Variants in BAG6 observed in about 807,000 individuals in gnomAD.
BAG6 encodes BAG cochaperone 6, also known as large proline-rich protein BAG6.
In BAG6, 22 loss-of-function variants were observed where a neutral mutation model predicts 121.0. The ratio of observed to expected loss-of-function variants is 0.18; its 90% CI spans 0.13 to 0.26. The LOEUF is 0.26. BAG6 is among the 10% of genes least tolerant of loss of function. The pLI, the probability that BAG6 is intolerant of heterozygous loss-of-function variation, is 1.00. For missense variants in BAG6, 1,233 were observed against 1,537.7 expected (o/e 0.80, Z 3.31); for synonymous variants, 583 against 584.6 (o/e 1.00, Z 0.04).
chr6:31,640,344 T>C lies in BAG6; in HGVS notation c.3139-38A>G. The C allele has an allele frequency of 6.2e-7, 1 of 1,614,196 alleles. No individual in the cohort carries two copies. Among genetic ancestry groups the C allele is most frequent in the Non-Finnish European group, 8.5e-7 (1 of 1,180,026 alleles). On this transcript the variant is annotated intron_variant, in intron 23 of 25. Transcript: ENST00000676615. This position sits in a 1 kb window ranked among gnomAD's most constrained non-coding sequence, Gnocchi z 4.2. ...AGAGAAAATAGTAATGTCCTTGACT[T>C]TCAGCTGCCATGACCCACTGGATTA...
In BAG6 at chr6:31,639,219, G is replaced by C. The variant is rs758552053; in HGVS notation, c.3401C>G (p.Ser1134Cys). 28 of 1,610,698 alleles carry C rather than the reference G, an allele frequency of 1.7e-5. No individual in the cohort carries two copies. Among genetic ancestry groups the C allele is most frequent in the Non-Finnish European group, 2.3e-5 (27 of 1,177,690 alleles). The change falls in exon 26 of 26, where the codon TCT becomes TGT. Residue 1134 changes from serine to cysteine, a missense_variant. This residue lies in a region of BAG6 where 102 missense variants were observed against 103.2 expected (regional missense o/e 0.99). Coordinates refer to ENST00000676615, the MANE Select transcript of BAG6 (RefSeq NM_001387994.1). The part of the protein sequence containing the change: ...VQESYRQQLR[S>C]DIQKRLQEDP... ...TTCCTGCAGTCGTTTTTGTATATCA[G>C]ACCGGAGCTAAAGAGAAAAAGTAAG... is the stretch of plus-strand genomic sequence containing the variant.
chr6:31,646,776 T>TG (rs1295347508), intron 7 of BAG6, among the ~76,000 whole-genome samples: 1 of 128,586 alleles, frequency 7.8e-6, no homozygotes, highest in Non-Finnish European at 1.7e-5. Context: ...GTTTTTTTTT[T>TG]TTTTTTTTTT....
At position 31,642,938 on chromosome 6, in the gene BAG6, A is replaced by C; in HGVS notation, c.1934T>G (p.Leu645Arg). The change falls in exon 15 of 26, where the codon CTA (leucine) becomes CGA (arginine). Residue 645 changes from leucine to arginine, a missense_variant. Leu to Arg is a moderately radical substitution (Grantham distance 102). Around this residue, in one of 7 missense-constraint regions of BAG6, gnomAD observed 777 missense variants for 861.4 expected, o/e 0.90. Coordinates refer to ENST00000676615, the MANE Select transcript of BAG6 (RefSeq NM_001387994.1). ...TCCAGCCCCTGGCCCTGCAGGCCCTAGCAGGTTCCCCAGAAGCTGAGAGAA... is the reference window on the plus strand; with the variant it reads ...TCCAGCCCCTGGCCCTGCAGGCCCTCGCAGGTTCCCCAGAAGCTGAGAGAA... ...LQFSQLLGNLLGPAGPGAGGS... is the reference protein window; with the variant it reads ...LQFSQLLGNLRGPAGPGAGGS... The C allele has an allele frequency of 6.2e-7, 1 of 1,608,262 alleles. No individual in the cohort carries two copies. Among genetic ancestry groups the C allele is most frequent in the Non-Finnish European group, 8.5e-7 (1 of 1,177,558 alleles).
chr6:31,639,763 G>A (rs1293511601), intron 24 of BAG6, 117 bp from the exon 25 acceptor site: 12 of 1,260,978 alleles, frequency 9.5e-6, no homozygotes, highest in Non-Finnish European at 1.3e-5. Flanking sequence ...AGTGGAGAGA[G>A]GGGAAATTAA....
At chr6:31,652,334 CA>C (rs1798020513) in intron 1 of BAG6, 89 bp downstream of exon 1, 1 of 148,652 alleles carries the variant, frequency 6.7e-6, no homozygotes, top group Non-Finnish European at 1.5e-5. Flanking sequence ...CACACACACA[CA>C]CACACACACA....
intron 2 of BAG6, 117 bp downstream of exon 2, chr6:31,651,538 CA>C: frequency 4.7e-5 from 44 of 927,016 alleles, no homozygotes; most frequent in Non-Finnish European, 6.5e-5. Flanking sequence ...GACTCCATCT[CA>C]AAAAAAAGAA....
In BAG6 at chr6:31,639,165, G is replaced by C; in HGVS notation, c.3455C>G (p.Pro1152Arg). The change falls in exon 26 of 26, where the codon CCC becomes CGC. Residue 1152 changes from proline (P) to arginine (R), a missense_variant. Physicochemically the swap from Pro to Arg is moderately radical, Grantham distance 103. Around this residue, in one of 7 missense-constraint regions of BAG6, gnomAD observed 102 missense variants for 103.2 expected, o/e 0.99. Coordinates refer to ENST00000676615, the MANE Select transcript of BAG6 (RefSeq NM_001387994.1). ...ATCAGCAAAGGCCCGCTGGGCATTG[G>C]GGAAGCGCTGGGGACTGTAGTTGGG... ...EDPNYSPQRF[P>R]NAQRAFADDP 1 of 1,614,018 alleles carries C rather than the reference G, an allele frequency of 6.2e-7. No homozygotes were observed. The highest frequency in any genetic ancestry group is 8.5e-7 in the Non-Finnish European group (1 of 1,179,976).
In BAG6 at chr6:31,644,430, G is replaced by T; in HGVS notation, c.1448-16C>A. The T allele has an allele frequency of 6.4e-7, 1 of 1,552,112 alleles. No individual in the cohort carries two copies. The highest frequency in any genetic ancestry group is 1.2e-5 in the South Asian group (1 of 83,998). ...AGGGTGGAGCCTGGGGGGCGGGTCT[G>T]ATGTAACCTTGAACCTGGACCCCTT... On this transcript the variant is annotated splice_polypyrimidine_tract_variant and intron_variant, in intron 11 of 25. Coordinates refer to ENST00000676615, the MANE Select transcript of BAG6 (RefSeq NM_001387994.1). The surrounding 1 kb of genome is among the most constrained non-coding windows in gnomAD (Gnocchi z 4.9).
Position 31,648,666 on chromosome 6 carries a change from T to G in BAG6, c.552+11A>C, listed in dbSNP as rs1201964338. ...GGTGGAGAGAGACCCTAGCCAGCCT[T>G]GCCCACTTACCTCCATCCGGGATAG... On this transcript the variant is annotated intron_variant, in intron 6 of 25. Coordinates refer to ENST00000676615, the MANE Select transcript of BAG6 (RefSeq NM_001387994.1). 3 of 1,613,292 alleles carry G rather than the reference T, an allele frequency of 1.9e-6. No individual in the cohort carries two copies. The African/African-American group carries it at 4.0e-5, about 22-fold the overall frequency.
At chr6:31,639,703 AT>A in intron 24 of BAG6, 57 bp from the exon 25 acceptor site, 1 of 1,555,376 alleles carries the variant, frequency 6.4e-7, no homozygotes, top group East Asian at 2.3e-5. Context: ...CAGTGCCACC[AT>A]CCGGCTCACC....
At position 31,646,777 on chromosome 6, in the gene BAG6, T is replaced by G. The variant is rs866253639; in HGVS notation, c.789-254A>C. ...CCCGGCTAATTTTTGTTTTTTTTTT[T>G]TTTTTTTTTTTTTTGAGACAGAGTC... On this transcript the variant is annotated intron_variant, in intron 7 of 25. Transcript: ENST00000676615. Among the ~76,000 whole-genome samples, 769 of 130,580 alleles carry G rather than the reference T, an allele frequency of 5.9e-3. 9 individuals carry two copies. Among genetic ancestry groups the G allele is most frequent in the African/African-American group, 0.02 (720 of 35,732 alleles). The allele number at this position is 130,580 out of a possible 152,430, so 85.7% of individuals were successfully genotyped here. A position where few individuals can be genotyped will look rare whatever the true frequency, so the allele number is the denominator to read the frequency against.
In BAG6 at chr6:31,644,644, G is replaced by A. The variant is rs761921696; in HGVS notation, c.1370-42C>T. On this transcript the variant is annotated intron_variant, in intron 10 of 25. Transcript: ENST00000676615. This position sits in a 1 kb window ranked among gnomAD's most constrained non-coding sequence, Gnocchi z 4.9. ...AGACAGTGGCCCTGAGGTAGGTAGGGCCAAGGCCTAACTATATCCTTCTGA... is the reference window on the plus strand; with the variant it reads ...AGACAGTGGCCCTGAGGTAGGTAGGACCAAGGCCTAACTATATCCTTCTGA... The A allele has an allele frequency of 1.3e-6, 2 of 1,580,124 alleles. No homozygotes were observed. Among genetic ancestry groups the A allele is most frequent in the Non-Finnish European group, 1.7e-6 (2 of 1,152,626 alleles).
chr6:31,652,053 C>A (rs1797458117), intron 1 of BAG6: 2 of 347,174 alleles, frequency 5.8e-6, no homozygotes, highest in East Asian at 8.7e-5. Flanking sequence ...AGGAAGGAAG[C>A]ACGAGACCAG....
rs572580953 is a variant in BAG6, at chr6:31,645,046, C to T, written c.1269G>A (p.Pro423=). The change falls in exon 10 of 26, where the codon CCG becomes CCA. Residue 423 remains proline, a synonymous_variant. Transcript: ENST00000676615. ...NVESSAEGAP[P]PGPAPPPATS... ...TGGCTGGCGGGGGAGCTGGACCTGG[C>T]GGGGGAGCCCCCTCAGCTGAGGACT... 9.3e-6 allele frequency: 15 copies of T among 1,612,640 alleles called. No individual in the cohort carries two copies. The highest frequency in any genetic ancestry group is 6.7e-5 in the East Asian group (3 of 44,880).
chr6:31,644,029 C>T lies in BAG6; in HGVS notation c.1669-52G>A. 1 of 1,612,840 alleles carries T rather than the reference C, an allele frequency of 6.2e-7. No homozygotes were observed. Among genetic ancestry groups the T allele is most frequent in the Non-Finnish European group, 8.5e-7 (1 of 1,178,984 alleles). ...AGACCTGCCCTTCCATGCACCACCA[C>T]AGGAGTCTCTCCCTAGACTGTTACG... On this transcript the variant is annotated intron_variant, in intron 13 of 25. Coordinates refer to ENST00000676615, the MANE Select transcript of BAG6 (RefSeq NM_001387994.1). This position sits in a 1 kb window ranked among gnomAD's most constrained non-coding sequence, Gnocchi z 4.9.
In BAG6 at chr6:31,649,280, G is replaced by C. The variant is rs1310915454; in HGVS notation, c.342C>G (p.Pro114=). ...SASATHGGGS[P]PGTRGPGASV... is the part of the protein sequence containing the mutation. ...AGGCCCCAGGCCCCCGAGTACCAGG[G>C]GGGGATCCCCCACCATGAGTGGCTG... Residue 114 remains proline, a synonymous_variant, in exon 4 of 26, where the codon CCC becomes CCG. Coordinates refer to ENST00000676615, the MANE Select transcript of BAG6 (RefSeq NM_001387994.1). 8 of 1,613,048 alleles carry C rather than the reference G, an allele frequency of 5.0e-6. No individual in the cohort carries two copies. The Admixed American group carries it at 1.0e-4, about 20-fold the overall frequency.
intron 2 of BAG6, among the ~76,000 whole-genome samples, chr6:31,650,316 A>G (rs945239213): frequency 1.3e-5 from 2 of 152,130 alleles, no homozygotes; most frequent in Admixed American, 1.3e-4. Flanking sequence ...AAAAAATGGC[A>G]AAGAAGATGG....
chr6:31,648,800 G>A, intron 5 of BAG6, 49 bp from the exon 6 acceptor site: 1 of 1,608,908 alleles, frequency 6.2e-7, no homozygotes, highest in Non-Finnish European at 8.5e-7. Context: ...GAAGCCATGA[G>A]TTCTACCACC....
In BAG6 at chr6:31,641,635, T is replaced by A. The variant is rs913249286; in HGVS notation, c.2506-43A>T. 6.2e-7 allele frequency: 1 copy of A among 1,613,616 alleles called. No individual in the cohort carries two copies. The highest frequency in any genetic ancestry group is 1.7e-5 in the Admixed American group (1 of 60,016). Reference sequence around the variant, plus strand: ...CAGGTTTAGTTCAAAGCCTCAGTCCTCCCAAGACTTCCACCTCGACCCCAA... The same window carrying A: ...CAGGTTTAGTTCAAAGCCTCAGTCCACCCAAGACTTCCACCTCGACCCCAA... On this transcript the variant is annotated intron_variant, in intron 17 of 25. Transcript: ENST00000676615. The surrounding 1 kb of genome is among the most constrained non-coding windows in gnomAD (Gnocchi z 5.7).
Sources: gnomAD v4.1 joint callset for allele counts (sites outside exome capture counted in the v4.1 genomes callset) on GRCh38, gnomAD v4.1.1 for gene constraint, gnomAD v4.1.1 regional missense constraint, Gnocchi (gnomAD v3.1) non-coding constraint, MANE v1.5 for transcripts, NCBI Gene and HGNC (gene_info 2026-07-23, HGNC 2026-07-21) for gene names.